IMMP2L: variants seen among roughly 807,000 people sequenced by gnomAD.
IMMP2L encodes inner mitochondrial membrane peptidase subunit 2, also known as mitochondrial inner membrane protease subunit 2.
In IMMP2L, 18 loss-of-function variants were observed where a neutral mutation model predicts 19.3. That is an observed-to-expected ratio of 0.93 (90% CI 0.64 to 1.38). The LOEUF is 1.38. Among genes scored for constraint, IMMP2L ranks in the 40% most tolerant of loss-of-function variants. The pLI is 0.00. For synonymous variants in IMMP2L, 76 were observed against 73.0 expected (o/e 1.04, Z -0.21); for missense variants, 233 against 218.2 (o/e 1.07, Z -0.43).
chr7:110,840,493 G>A (rs1052778751), intron 5 of IMMP2L, among the ~76,000 whole-genome samples: 9 of 152,092 alleles, frequency 5.9e-5, no homozygotes, highest in African/African-American at 2.2e-4. Context: ...CGATATCATT[G>A]GTTAATGTCT....
At chr7:111,111,069 A>G (rs775168681) in intron 3 of IMMP2L, among the ~76,000 whole-genome samples, 4 of 152,172 alleles carry the variant, frequency 2.6e-5, no homozygotes, top group Non-Finnish European at 5.9e-5. Flanking sequence ...TTTATCTACT[A>G]AGAAATTTTC....
At chr7:110,907,431 T>C (rs1202431245) in intron 4 of IMMP2L, among the ~76,000 whole-genome samples, 1 of 152,130 alleles carries the variant, frequency 6.6e-6, no homozygotes. Context: ...GGTCAAACTG[T>C]AGTCTCCAAC....
chr7:110,873,741 C>T (rs1289213433), intron 5 of IMMP2L, among the ~76,000 whole-genome samples: 2 of 151,152 alleles, frequency 1.3e-5, no homozygotes, highest in African/African-American at 4.9e-5. Flanking sequence ...GCCATTGCAC[C>T]CCAGCAATGG....
intron 3 of IMMP2L, among the ~76,000 whole-genome samples, chr7:111,167,255 T>A (rs920543933): frequency 6.6e-6 from 1 of 151,982 alleles, no homozygotes; most frequent in Non-Finnish European, 1.5e-5. Flanking sequence ...GAATATACAA[T>A]TTCAGCTACT....
chr7:111,023,162 A>G (rs903088564), intron 3 of IMMP2L, among the ~76,000 whole-genome samples: 3 of 152,200 alleles, frequency 2.0e-5, no homozygotes, highest in Non-Finnish European at 2.9e-5. Flanking sequence ...ATTTCTCTTA[A>G]CAGTGTCCTG....
intron 5 of IMMP2L, among the ~76,000 whole-genome samples, chr7:110,732,078 G>A (rs1796308594): frequency 6.6e-6 from 1 of 152,246 alleles, no homozygotes; most frequent in East Asian, 1.9e-4. Flanking sequence ...TGGGTGGGGC[G>A]GGGTTGGAGA....
intron 3 of IMMP2L, among the ~76,000 whole-genome samples, chr7:111,362,215 T>C (rs879064129): frequency 4.6e-5 from 7 of 152,090 alleles, no homozygotes; most frequent in Admixed American, 2.0e-4. Context: ...TATCTCCCCA[T>C]AGGATTTTAC....
chr7:111,469,136 C>T, intron 3 of IMMP2L, among the ~76,000 whole-genome samples: 1 of 152,102 alleles, frequency 6.6e-6, no homozygotes, highest in Non-Finnish European at 1.5e-5. Flanking sequence ...GTACCAGTAC[C>T]ATGCTGTTTT....
At chr7:111,202,632 A>C (rs1051502595) in intron 3 of IMMP2L, among the ~76,000 whole-genome samples, 1 of 152,206 alleles carries the variant, frequency 6.6e-6, no homozygotes, top group Non-Finnish European at 1.5e-5. Context: ...GACTGGCTAA[A>C]ACAGTGCTAA....
At chr7:111,350,946 T>C (rs980744731) in intron 3 of IMMP2L, among the ~76,000 whole-genome samples, 5 of 152,268 alleles carry the variant, frequency 3.3e-5, no homozygotes, top group African/African-American at 1.2e-4. Flanking sequence ...TTGCATTTAG[T>C]ATTATTAGGG....
chr7:111,294,117 C>G (rs1011415724), intron 3 of IMMP2L, among the ~76,000 whole-genome samples: 1 of 151,742 alleles, frequency 6.6e-6, no homozygotes, highest in Non-Finnish European at 1.5e-5. Flanking sequence ...GATCATTTAC[C>G]CTTACCATTT....
intron 3 of IMMP2L, among the ~76,000 whole-genome samples, chr7:111,173,605 TTAAC>T (rs1422328391): frequency 1.3e-4 from 19 of 151,790 alleles, no homozygotes; most frequent in African/African-American, 4.3e-4. Context: ...TGGTAAACAG[TTAAC>T]TATAATTTGT....
chr7:111,221,151 A>G (rs575231434), intron 3 of IMMP2L, among the ~76,000 whole-genome samples: 1 of 152,172 alleles, frequency 6.6e-6, no homozygotes, highest in Non-Finnish European at 1.5e-5. Context: ...TCTCTACCCA[A>G]ATACAGAGTA....
At chr7:111,417,012 TAA>T (rs979821995) in intron 3 of IMMP2L, among the ~76,000 whole-genome samples, 8 of 151,734 alleles carry the variant, frequency 5.3e-5, no homozygotes, top group Non-Finnish European at 1.0e-4. Context: ...TACATAAAAT[TAA>T]AGATTCACTT....
At chr7:111,527,119 G>T (rs928585436) in intron 1 of IMMP2L, among the ~76,000 whole-genome samples, 1 of 151,962 alleles carries the variant, frequency 6.6e-6, no homozygotes, top group African/African-American at 2.4e-5. Flanking sequence ...CCAGTTCCAT[G>T]ACTTTGAACA....
At chr7:111,132,558 T>A (rs912116862) in intron 3 of IMMP2L, among the ~76,000 whole-genome samples, 2 of 151,844 alleles carry the variant, frequency 1.3e-5, no homozygotes, top group South Asian at 2.1e-4. Context: ...GCTTAGAGAG[T>A]CAGATGTCAT....
intron 3 of IMMP2L, among the ~76,000 whole-genome samples, chr7:111,126,141 G>C (rs572860452): frequency 6.6e-6 from 1 of 152,154 alleles, no homozygotes; most frequent in East Asian, 1.9e-4. Context: ...TTGCTTTGCA[G>C]AAACTATTGC....
In IMMP2L at chr7:110,870,995, T is replaced by A. The variant is rs1323925820; in HGVS notation, c.408+15598A>T. 2.0e-5 allele frequency among the ~76,000 whole-genome samples: 3 copies of A among 151,890 alleles called. No individual in the cohort carries two copies. The East Asian group carries it at 5.8e-4, about 29-fold the overall frequency. Reference sequence around the variant, plus strand: ...GTTAGGAGGCCCCTGATGACCTGAATCAGTGAGGCAGCAGTAGAGATGGAA... The same window carrying A: ...GTTAGGAGGCCCCTGATGACCTGAAACAGTGAGGCAGCAGTAGAGATGGAA... On this transcript the variant is annotated intron_variant, in intron 5 of 5. Transcript: ENST00000405709. The surrounding 1 kb of genome is among the most constrained non-coding windows in gnomAD (Gnocchi z 4.2).
intron 3 of IMMP2L, among the ~76,000 whole-genome samples, chr7:111,337,215 C>G (rs1304240348): frequency 6.6e-6 from 1 of 151,656 alleles, no homozygotes; most frequent in Non-Finnish European, 1.5e-5. Flanking sequence ...TTAAAAAAAG[C>G]AGAGAATTAT....
Sources: allele counts gnomAD v4.1 joint callset (sites outside exome capture counted in the v4.1 genomes callset), GRCh38; gene constraint gnomAD v4.1.1; non-coding constraint Gnocchi (gnomAD v3.1); transcripts MANE v1.5; gene names NCBI Gene and HGNC (gene_info 2026-07-23, HGNC 2026-07-21).